Variants in APLP1 observed in about 807,000 individuals in gnomAD.
APLP1 encodes amyloid beta precursor like protein 1.
Under a neutral mutation model 84.5 loss-of-function variants are expected in APLP1, and 46 were observed. That is an observed-to-expected ratio of 0.54 (90% CI 0.43 to 0.70). APLP1 has a LOEUF of 0.70. APLP1 is among the 30% of genes least tolerant of loss of function. The probability of loss-of-function intolerance (pLI) is 0.00; values close to 1 mark genes in which losing one functional copy is unlikely to be tolerated. For missense variants in APLP1, 826 were observed against 900.2 expected, an observed-to-expected ratio of 0.92 and a Z score of 1.05; for synonymous variants, 376 against 364.0, an observed-to-expected ratio of 1.03 and a Z score of -0.38.
chr19:35,869,916 G>T, intron 2 of APLP1, 106 bp downstream of exon 2: 1 of 1,430,762 alleles, frequency 7.0e-7, no homozygotes, highest in South Asian at 1.3e-5. Flanking sequence ...GCTGGGGGGC[G>T]TGGCCAATAA....
intron 11 of APLP1, among the ~76,000 whole-genome samples, chr19:35,877,107 C>T (rs780687552): frequency 6.6e-6 from 1 of 152,186 alleles, no homozygotes; most frequent in Non-Finnish European, 1.5e-5. Context: ...ATATGCATAC[C>T]GGAAAGTGTG....
chr19:35,870,666 C>G, intron 2 of APLP1: 1 of 518,394 alleles, frequency 1.9e-6, no homozygotes, highest in South Asian at 2.8e-5. Flanking sequence ...TGCCTGTAAT[C>G]CCAGCTACTC....
In APLP1 at chr19:35,879,578, C is replaced by T. The variant is rs1241027608; in HGVS notation, c.*137C>T. ...CCCTTTTGTGAGACGGCTGGAAATTCTTATTTCCCCTTTCCAATTCCAAAA... is the reference window on the plus strand; with the variant it reads ...CCCTTTTGTGAGACGGCTGGAAATTTTTATTTCCCCTTTCCAATTCCAAAA... On this transcript the variant is annotated 3_prime_UTR_variant, in exon 17 of 17. Transcript: ENST00000221891. The T allele has an allele frequency of 4.3e-6, 3 of 704,920 alleles. No homozygotes were observed. The Admixed American group carries it at 9.4e-5, about 22-fold the overall frequency. 43.7% of individuals were successfully genotyped at this position (704,920 alleles called of 1,614,324 possible). A position where few individuals can be genotyped will look rare whatever the true frequency, so the allele number is the denominator to read the frequency against.
In APLP1 at chr19:35,868,947, TC is replaced by T; in HGVS notation, c.147+169del. ...TGAACCCAGGGTTCCAGGCCCCAGC[TC>T]CCCCATCATGCGACGTCCCAGCCCC... On this transcript the variant is annotated intron_variant, in intron 1 of 16. Transcript: ENST00000221891. This position sits in a 1 kb window ranked among gnomAD's most constrained non-coding sequence, Gnocchi z 5.2. 2.5e-6 allele frequency: 1 copy of T among 406,966 alleles called. No homozygotes were observed. The highest frequency in any genetic ancestry group is 3.9e-6 in the Non-Finnish European group (1 of 255,304). 25.2% of individuals were successfully genotyped at this position (406,966 alleles called of 1,614,324 possible).
At chr19:35,876,188 C>T (rs1158892180) in intron 10 of APLP1, among the ~76,000 whole-genome samples, 1 of 152,190 alleles carries the variant, frequency 6.6e-6, no homozygotes, top group Non-Finnish European at 1.5e-5. Flanking sequence ...TTGAATTCCC[C>T]TTTCCTGGAT....
At position 35,879,081 on chromosome 19, in the gene APLP1, C is replaced by G; in HGVS notation, c.1721C>G (p.Ala574Gly). ...SEIQRDELAP[A>G]GTGVSREAVS... ...CATCTCCTCTCCCTGCAGGCACCAG[C>G]TGGGACAGGGGTGTCCCGTGAGGCT... is the stretch of plus-strand genomic sequence containing the variant. Residue 574 changes from alanine to glycine, a missense_variant, in exon 16 of 17, where the codon GCT becomes GGT. By Grantham distance (60) the Ala-to-Gly change is moderately conservative. This residue lies in a region of APLP1 where 433 missense variants were observed against 496.5 expected (regional missense o/e 0.87). Coordinates refer to ENST00000221891, the MANE Select transcript of APLP1 (RefSeq NM_001024807.3). The G allele has an allele frequency of 6.2e-7, 1 of 1,612,266 alleles. No individual in the cohort carries two copies. The highest frequency in any genetic ancestry group is 1.3e-5 in the African/African-American group (1 of 75,056).
chr19:35,874,319 T>C lies in APLP1; in HGVS notation c.1057-185T>C, dbSNP rs1167707347. On this transcript the variant is annotated intron_variant, in intron 8 of 16. Coordinates refer to ENST00000221891, the MANE Select transcript of APLP1 (RefSeq NM_001024807.3). The surrounding 1 kb of genome is among the most constrained non-coding windows in gnomAD (Gnocchi z 6.4). ...TCCTCACATTGGCTCCCAGTGGGCC[T>C]AGTCCCACCTCCACTCTGCCTGGCC... Among the ~76,000 whole-genome samples, 1 of 152,164 alleles carries C rather than the reference T, an allele frequency of 6.6e-6. No individual in the cohort carries two copies. Among genetic ancestry groups the C allele is most frequent in the Non-Finnish European group, 1.5e-5 (1 of 68,028 alleles).
Position 35,868,635 on chromosome 19 carries a change from AC to A in APLP1, c.-1del, listed in dbSNP as rs1222600490. On this transcript the variant is annotated 5_prime_UTR_variant, in exon 1 of 17. Transcript: ENST00000221891. This position sits in a 1 kb window ranked among gnomAD's most constrained non-coding sequence, Gnocchi z 5.2. ...GGGACGTGAGGGCGCAAGGGCCGGG[AC>A]ATGGGGCCCGCCAGCCCCGCTGCTC... The A allele has an allele frequency of 7.4e-7, 1 of 1,350,124 alleles. No individual in the cohort carries two copies. The allele number at this position is 1,350,124 out of a possible 1,614,324, so 83.6% of individuals were successfully genotyped here.
chr19:35,874,439 GCT>G lies in APLP1; in HGVS notation c.1057-60_1057-59del. 2 of 1,588,684 alleles carry G rather than the reference GCT, an allele frequency of 1.3e-6. No individual in the cohort carries two copies. The highest frequency in any genetic ancestry group is 4.5e-5 in the East Asian group (2 of 44,448). On this transcript the variant is annotated intron_variant, in intron 8 of 16. Coordinates refer to ENST00000221891, the MANE Select transcript of APLP1 (RefSeq NM_001024807.3). This position sits in a 1 kb window ranked among gnomAD's most constrained non-coding sequence, Gnocchi z 6.4. ...ACCCCATGTAGCCCTGCCTTTCCAG[GCT>G]CTCTTTGACCAGGCTTTGACCCATC...
rs774547139 is a variant in APLP1, at chr19:35,871,222, C to T, written c.425-15C>T. ...CTATAGGAGGATCTCACCCTGGTGT[C>T]CCGTGCTTCCCCAGCTGGTGAATTT... On this transcript the variant is annotated splice_polypyrimidine_tract_variant and intron_variant, in intron 3 of 16. Transcript: ENST00000221891. 1 of 1,609,948 alleles carries T rather than the reference C, an allele frequency of 6.2e-7. No individual in the cohort carries two copies. Among genetic ancestry groups the T allele is most frequent in the Non-Finnish European group, 8.5e-7 (1 of 1,177,592 alleles).
intron 6 of APLP1, 35 bp from the exon 7 acceptor site, chr19:35,872,448 G>A (rs1974178243): frequency 1.2e-6 from 2 of 1,602,530 alleles, no homozygotes; most frequent in Non-Finnish European, 8.5e-7. Flanking sequence ...CTGGAGGTGG[G>A]CTGCAGACTG....
In APLP1 at chr19:35,879,463, A is replaced by G. The variant is rs1974369746; in HGVS notation, c.*22A>G. 2.5e-6 allele frequency: 4 copies of G among 1,606,724 alleles called. No individual in the cohort carries two copies. The highest frequency in any genetic ancestry group is 1.7e-5 in the Admixed American group (1 of 59,794). On this transcript the variant is annotated 3_prime_UTR_variant, in exon 17 of 17. Coordinates refer to ENST00000221891, the MANE Select transcript of APLP1 (RefSeq NM_001024807.3). ...CTGACCCGGCCCCCTTCACCCCTTC[A>G]GCCGAGCCCAGACCTCCCCTCTTCC...
In APLP1 at chr19:35,877,814, A is replaced by G; in HGVS notation, c.1541A>G (p.Asp514Gly). The change falls in exon 12 of 17, where the codon GAT (aspartate) becomes GGT (glycine). Residue 514 changes from aspartate to glycine, a missense_variant. By Grantham distance (94) the Asp-to-Gly change is moderately conservative (BLOSUM62 -1). Around this residue, in one of 3 missense-constraint regions of APLP1, gnomAD observed 433 missense variants for 496.5 expected, o/e 0.87. Transcript: ENST00000221891. ...GACAAGGGTGGGCTGCAGCCTCCAGATTCCAAGGATGGTGAGTGAGCCCAC... is the reference window on the plus strand; with the variant it reads ...GACAAGGGTGGGCTGCAGCCTCCAGGTTCCAAGGATGGTGAGTGAGCCCAC... ...SEDKGGLQPP[D>G]SKDADTPMTL... 6.2e-7 allele frequency: 1 copy of G among 1,609,616 alleles called. No homozygotes were observed. Among genetic ancestry groups the G allele is most frequent in the Non-Finnish European group, 8.5e-7 (1 of 1,178,608 alleles).
In APLP1 at chr19:35,879,449, C is replaced by G. The variant is rs571228868; in HGVS notation, c.*8C>G. On this transcript the variant is annotated 3_prime_UTR_variant, in exon 17 of 17. Coordinates refer to ENST00000221891, the MANE Select transcript of APLP1 (RefSeq NM_001024807.3). ...CTGGAGGAACGACCCTGACCCGGCC[C>G]CCTTCACCCCTTCAGCCGAGCCCAG... The G allele has an allele frequency of 1.4e-5, 23 of 1,611,718 alleles. No homozygotes were observed. The highest frequency in any genetic ancestry group is 1.9e-5 in the Non-Finnish European group (22 of 1,179,330).
At position 35,873,680 on chromosome 19, in the gene APLP1, C is replaced by T. The variant is rs752456012; in HGVS notation, c.1023C>T (p.Asn341=). ...CCATGGCAGACAACCAGTCCAAGAA[C>T]CTGCCTAAAGCCGACAGACAGGCCC... ...EWAMADNQSK[N]LPKADRQALN... is the part of the protein sequence containing the mutation. The change falls in exon 8 of 17, where the codon AAC becomes AAT. Residue 341 remains asparagine (N), a synonymous_variant. Coordinates refer to ENST00000221891, the MANE Select transcript of APLP1 (RefSeq NM_001024807.3). 8 of 1,614,154 alleles carry T rather than the reference C, an allele frequency of 5.0e-6. No homozygotes were observed. Among genetic ancestry groups the T allele is most frequent in the South Asian group, 1.1e-5 (1 of 91,068 alleles).
chr19:35,874,680 G>A lies in APLP1; in HGVS notation c.1215+18G>A, dbSNP rs1974238127. The A allele has an allele frequency of 1.2e-6, 2 of 1,613,176 alleles. No individual in the cohort carries two copies. The highest frequency in any genetic ancestry group is 1.7e-5 in the Admixed American group (1 of 60,000). ...CGCCTCAGGTGCGGGGACCGTGGGG[G>A]CAGAGAGCAGAGGGTGAGAAGGGTC... On this transcript the variant is annotated intron_variant, in intron 9 of 16. Coordinates refer to ENST00000221891, the MANE Select transcript of APLP1 (RefSeq NM_001024807.3). The surrounding 1 kb of genome is among the most constrained non-coding windows in gnomAD (Gnocchi z 6.4).
At position 35,868,810 on chromosome 19, in the gene APLP1, TGGGGGAA is replaced by T; in HGVS notation, c.147+32_147+38del. On this transcript the variant is annotated intron_variant, in intron 1 of 16. Transcript: ENST00000221891. This position sits in a 1 kb window ranked among gnomAD's most constrained non-coding sequence, Gnocchi z 5.2. ...TGAGGCCGGGCCGGGTCCTGGGGGA[TGGGGGAA>T]GGGGCGGGACCGGGTCTCTGGACGC... 1 of 1,175,848 alleles carries T rather than the reference TGGGGGAA, an allele frequency of 8.5e-7. No individual in the cohort carries two copies. Among genetic ancestry groups the T allele is most frequent in the Admixed American group, 4.7e-5 (1 of 21,458 alleles). 72.8% of individuals were successfully genotyped at this position (1,175,848 alleles called of 1,614,324 possible). A position where few individuals can be genotyped will look rare whatever the true frequency, so the allele number is the denominator to read the frequency against.
Position 35,868,599 on chromosome 19 carries a change from C to A in APLP1, c.-38C>A. 1 of 1,235,104 alleles carries A rather than the reference C, an allele frequency of 8.1e-7. No individual in the cohort carries two copies. The highest frequency in any genetic ancestry group is 1.0e-6 in the Non-Finnish European group (1 of 988,458). The allele number at this position is 1,235,104 out of a possible 1,614,324, so 76.5% of individuals were successfully genotyped here. A position where few individuals can be genotyped will look rare whatever the true frequency, so the allele number is the denominator to read the frequency against. The stretch of plus-strand genomic sequence containing the variant: ...CTGTCACCGCTGGGGCCGGGCCGGG[C>A]GGGAGTGCAGGGGACGTGAGGGCGC... On this transcript the variant is annotated 5_prime_UTR_variant, in exon 1 of 17. Transcript: ENST00000221891. The surrounding 1 kb of genome is among the most constrained non-coding windows in gnomAD (Gnocchi z 5.2).
chr19:35,876,472 C>T (rs770926412), intron 10 of APLP1, 45 bp from the exon 11 acceptor site: 1 of 1,528,646 alleles, frequency 6.5e-7, no homozygotes, highest in South Asian at 1.1e-5. Context: ...TCCTCATCTC[C>T]AGCCTGCATT....
Sources: allele counts gnomAD v4.1 joint callset (sites outside exome capture counted in the v4.1 genomes callset), GRCh38; gene constraint gnomAD v4.1.1; regional missense constraint gnomAD v4.1.1; non-coding constraint Gnocchi (gnomAD v3.1); transcripts MANE v1.5; gene names NCBI Gene and HGNC (gene_info 2026-07-23, HGNC 2026-07-21).